PXDNL: variants seen among roughly 807,000 people sequenced by gnomAD.
PXDNL encodes the protein probable oxidoreductase PXDNL.
In PXDNL, 145 loss-of-function variants were observed where a neutral mutation model predicts 150.8. The observed-to-expected ratio is 0.96, with a 90% CI of 0.84 to 1.10. PXDNL has a LOEUF of 1.10. PXDNL is among the 50% of genes least tolerant of loss of function. PXDNL has a pLI of 0.00. For synonymous variants in PXDNL, 757 were observed against 725.7 expected, an observed-to-expected ratio of 1.04 and a Z score of -0.69; for missense variants, 2,087 against 1,873.9, an observed-to-expected ratio of 1.11 and a Z score of -2.10.
intron 1 of PXDNL, among the ~76,000 whole-genome samples, chr8:51,780,020 T>C: frequency 6.6e-6 from 1 of 152,158 alleles, no homozygotes; most frequent in Non-Finnish European, 1.5e-5. Context: ...AAGACCAGCC[T>C]GGCCATCATG....
intron 1 of PXDNL, among the ~76,000 whole-genome samples, chr8:51,791,141 T>G (rs952257237): frequency 6.6e-6 from 1 of 152,200 alleles, no homozygotes; most frequent in Non-Finnish European, 1.5e-5. Context: ...AAAATTCAAG[T>G]GCAGGCAGTC....
chr8:51,643,279 C>A (rs1371249951), intron 2 of PXDNL, among the ~76,000 whole-genome samples: 1 of 152,180 alleles, frequency 6.6e-6, no homozygotes, highest in Non-Finnish European at 1.5e-5. Context: ...ATCACCCTAC[C>A]TGACTTCAAA....
At position 51,363,027 on chromosome 8, in the gene PXDNL, A is replaced by T. The variant is rs147390607; in HGVS notation, c.3901+8846T>A. On this transcript the variant is annotated intron_variant, in intron 19 of 22. Coordinates refer to ENST00000356297, the MANE Select transcript of PXDNL (RefSeq NM_144651.5). ...AGATGGCCATAGTGAGGCCTGGGGC[A>T]AAGTTCTCAGTTCCTAGAACAGCAG... Among the ~76,000 whole-genome samples the T allele has an allele frequency of 4.8e-3, 731 of 152,318 alleles. 6 individuals carry two copies. Among genetic ancestry groups the T allele is most frequent in the African/African-American group, 0.017 (692 of 41,568 alleles).
chr8:51,614,883 A>C (rs1029545659), intron 2 of PXDNL, among the ~76,000 whole-genome samples: 1 of 152,212 alleles, frequency 6.6e-6, no homozygotes, highest in Non-Finnish European at 1.5e-5. Flanking sequence ...AGAAACTTAA[A>C]AAGTACAAGA....
At chr8:51,807,588 A>C (rs138045410) in intron 1 of PXDNL, among the ~76,000 whole-genome samples, 166 of 152,288 alleles carry the variant, frequency 1.1e-3, no homozygotes, top group African/African-American at 3.9e-3. Context: ...AAGGCAACAC[A>C]TTTTGTAAGT....
At chr8:51,641,858 A>G (rs1814764195) in intron 2 of PXDNL, among the ~76,000 whole-genome samples, 1 of 152,174 alleles carries the variant, frequency 6.6e-6, no homozygotes, top group Non-Finnish European at 1.5e-5. Flanking sequence ...ATTACTGGGT[A>G]TATACCAAAA....
intron 4 of PXDNL, among the ~76,000 whole-genome samples, chr8:51,512,398 AAGG>A (rs1811441559): frequency 6.6e-6 from 1 of 152,216 alleles, no homozygotes; most frequent in Admixed American, 6.5e-5. Flanking sequence ...CCTGATCACA[AAGG>A]AGGAGATATT....
chr8:51,596,345 A>G (rs968242875), intron 2 of PXDNL, among the ~76,000 whole-genome samples: 5 of 152,058 alleles, frequency 3.3e-5, no homozygotes, highest in African/African-American at 9.7e-5. Flanking sequence ...TTATGTAGAG[A>G]GCTGTGATTA....
intron 4 of PXDNL, among the ~76,000 whole-genome samples, chr8:51,533,525 G>T (rs200859224): frequency 1.3e-5 from 1 of 75,460 alleles, no homozygotes; most frequent in Non-Finnish European, 2.6e-5. Context: ...CTCCCTCCAC[G>T]GTCTCCCTCT....
chr8:51,565,832 C>T (rs141740798), intron 3 of PXDNL, among the ~76,000 whole-genome samples: 171 of 151,634 alleles, frequency 1.1e-3, no homozygotes, highest in East Asian at 3.9e-3. Flanking sequence ...TGCAAATACA[C>T]CAAAATAAAA....
At chr8:51,397,883 C>G (rs932534748) in intron 17 of PXDNL, among the ~76,000 whole-genome samples, 1 of 152,074 alleles carries the variant, frequency 6.6e-6, no homozygotes, top group South Asian at 2.1e-4. Flanking sequence ...TTACATATAT[C>G]TCCTAATGCT....
intron 1 of PXDNL, among the ~76,000 whole-genome samples, chr8:51,673,716 C>G (rs547510637): frequency 6.6e-6 from 1 of 152,282 alleles, no homozygotes; most frequent in Admixed American, 6.5e-5. Flanking sequence ...AATCCCTTAA[C>G]TGCGCAAACC....
intron 17 of PXDNL, among the ~76,000 whole-genome samples, chr8:51,404,292 GC>G (rs1245634863): frequency 6.6e-6 from 1 of 152,204 alleles, no homozygotes; most frequent in East Asian, 1.9e-4. Flanking sequence ...CCCTTATCTG[GC>G]TCCACCCACA....
intron 8 of PXDNL, among the ~76,000 whole-genome samples, chr8:51,470,990 C>T (rs1810315859): frequency 6.6e-6 from 1 of 150,996 alleles, no homozygotes; most frequent in Non-Finnish European, 1.5e-5. Flanking sequence ...CAAATGGGAT[C>T]TAGTTAAACT....
chr8:51,375,323 C>T (rs1028082818), intron 17 of PXDNL, among the ~76,000 whole-genome samples: 1 of 152,104 alleles, frequency 6.6e-6, no homozygotes, highest in Non-Finnish European at 1.5e-5. Context: ...TGATTATAAG[C>T]CAACAGCCTT....
At chr8:51,335,847 T>C (rs1266510328) in intron 21 of PXDNL, among the ~76,000 whole-genome samples, 3 of 152,134 alleles carry the variant, frequency 2.0e-5, no homozygotes, top group Non-Finnish European at 4.4e-5. Context: ...AGGGCAAATA[T>C]AATTTACTGG....
chr8:51,636,888 T>C (rs1245381950), intron 2 of PXDNL, among the ~76,000 whole-genome samples: 1 of 151,874 alleles, frequency 6.6e-6, no homozygotes. Flanking sequence ...ATGGACAGAC[T>C]GCCTCCTCAA....
intron 2 of PXDNL, among the ~76,000 whole-genome samples, chr8:51,650,773 G>T (rs1299991756): frequency 6.6e-6 from 1 of 152,168 alleles, no homozygotes; most frequent in East Asian, 1.9e-4. Context: ...GATGCATTTA[G>T]TTTTGAATTT....
intron 14 of PXDNL, among the ~76,000 whole-genome samples, chr8:51,422,716 T>C (rs1808986854): frequency 6.6e-6 from 1 of 152,246 alleles, no homozygotes; most frequent in Non-Finnish European, 1.5e-5. Context: ...AACTCATTTA[T>C]TTCAACTGTG....
Sources: gnomAD v4.1 joint callset for allele counts (sites outside exome capture counted in the v4.1 genomes callset) on GRCh38, gnomAD v4.1.1 for gene constraint, MANE v1.5 for transcripts, NCBI Gene and HGNC (gene_info 2026-07-23, HGNC 2026-07-21) for gene names.